The following EYS variants were observed in gnomAD, a reference collection of about 807,000 sequenced individuals.
The protein encoded by EYS is EGF-like photoreceptor maintenance factor.
EYS carries 250 observed loss-of-function variants against 282.1 expected under a neutral mutation model. The observed-to-expected ratio is 0.89, with a 90% confidence interval of 0.80 to 0.98. The LOEUF (loss-of-function observed/expected upper bound fraction) is 0.98. Ranked by LOEUF, EYS falls within the 50% of genes least tolerant of loss-of-function variation. The probability of loss-of-function intolerance (pLI) is 0.00; values close to 1 mark genes in which losing one functional copy is unlikely to be tolerated. For missense variants in EYS, 4,016 were observed against 3,709.0 expected, an observed-to-expected ratio of 1.08 and a Z score of -2.15; for synonymous variants, 1,355 against 1,282.9, an observed-to-expected ratio of 1.06 and a Z score of -1.20.
At chr6:64,629,607 C>T (rs1029451399) in intron 22 of EYS, among the ~76,000 whole-genome samples, 2 of 151,832 alleles carry the variant, frequency 1.3e-5, no homozygotes, top group Non-Finnish European at 2.9e-5. Flanking sequence ...AGATTTATAC[C>T]TAAATGCTTC....
At chr6:64,799,250 C>A (rs763870934) in intron 22 of EYS, among the ~76,000 whole-genome samples, 4 of 151,748 alleles carry the variant, frequency 2.6e-5, no homozygotes, top group Non-Finnish European at 5.9e-5. Context: ...TCTCATCTTT[C>A]TTTACTTCCA....
intron 41 of EYS, chr6:63,744,676 TC>T (rs2149644524): frequency 6.3e-6 from 1 of 158,468 alleles, no homozygotes; most frequent in African/African-American, 2.4e-5. Flanking sequence ...CAAGCGATTC[TC>T]CTGCCTCAGC....
At chr6:65,526,103 T>C (rs1767549621) in intron 2 of EYS, among the ~76,000 whole-genome samples, 1 of 152,198 alleles carries the variant, frequency 6.6e-6, no homozygotes. Flanking sequence ...GGGTATCACA[T>C]GGTGAGAGAG....
At chr6:64,057,405 T>A (rs1771023174) in intron 33 of EYS, among the ~76,000 whole-genome samples, 1 of 147,876 alleles carries the variant, frequency 6.8e-6, no homozygotes, top group Admixed American at 6.7e-5. Flanking sequence ...AAAAATAGAA[T>A]GGTCTCAAAT....
intron 31 of EYS, among the ~76,000 whole-genome samples, chr6:64,084,547 T>A (rs1772081807): frequency 6.6e-6 from 1 of 152,278 alleles, no homozygotes; most frequent in East Asian, 1.9e-4. Context: ...GACATAGTTT[T>A]ACAACTAGGA....
intron 26 of EYS, among the ~76,000 whole-genome samples, chr6:64,474,246 A>C (rs1776201568): frequency 6.6e-6 from 1 of 152,174 alleles, no homozygotes. Flanking sequence ...ACTTCTATAT[A>C]TAAATTTATA....
chr6:65,666,889 TAAAAATAAATA>T (rs1768219205), intron 1 of EYS, among the ~76,000 whole-genome samples: 2 of 146,964 alleles, frequency 1.4e-5, no homozygotes, highest in Non-Finnish European at 3.0e-5. Flanking sequence ...TAATAAAAAT[TAAAAATAAATA>T]AAAAATACAT....
chr6:65,506,206 C>T (rs1766647487), intron 2 of EYS, among the ~76,000 whole-genome samples: 3 of 152,050 alleles, frequency 2.0e-5, no homozygotes, highest in South Asian at 4.1e-4. Context: ...TTTTAACCTA[C>T]CTGAGTCTTT....
rs144961395 is a variant in EYS, at chr6:64,028,766, A to G, written c.6726-29583T>C. ...TGGTCCTTCAATATGTGGATGATTT[A>G]CTTCTGGCTACCAGTTCAGAAGCCT... On this transcript the variant is annotated intron_variant, in intron 33 of 42. Transcript: ENST00000503581. Among the ~76,000 whole-genome samples the G allele has an allele frequency of 1.6e-3, 247 of 152,258 alleles. 2 individuals carry two copies. In the East Asian group the frequency reaches 0.036, roughly 22 times the overall value.
rs545393492 is a variant in EYS, at chr6:64,659,563, G to A, written c.3444-33318C>T. Among the ~76,000 whole-genome samples, 570 of 151,970 alleles carry A rather than the reference G, an allele frequency of 3.8e-3. 4 individuals carry two copies. Among genetic ancestry groups the A allele is most frequent in the African/African-American group, 0.013 (518 of 41,414 alleles). ...AAATGATAAAGGGGATACCACCACCGATCCCACAGAAATACAAACTACCAT... is the reference window on the plus strand; with the variant it reads ...AAATGATAAAGGGGATACCACCACCAATCCCACAGAAATACAAACTACCAT... On this transcript the variant is annotated intron_variant, in intron 22 of 42. Coordinates refer to ENST00000503581, the MANE Select transcript of EYS (RefSeq NM_001142800.2).
At chr6:64,932,256 G>C (rs1032596359) in intron 15 of EYS, among the ~76,000 whole-genome samples, 4 of 151,936 alleles carry the variant, frequency 2.6e-5, no homozygotes, top group Non-Finnish European at 4.4e-5. Context: ...GATAGTACAG[G>C]TATGCATTTG....
chr6:64,628,217 C>T (rs1767671350), intron 22 of EYS, among the ~76,000 whole-genome samples: 1 of 148,544 alleles, frequency 6.7e-6, no homozygotes, highest in Non-Finnish European at 1.5e-5. Context: ...ACCTCCCCAT[C>T]TTTGTAGCAA....
At chr6:64,341,144 GT>G (rs1402002655) in intron 29 of EYS, among the ~76,000 whole-genome samples, 1 of 151,678 alleles carries the variant, frequency 6.6e-6, no homozygotes, top group Admixed American at 6.6e-5. Context: ...CCCCAAAGAA[GT>G]TTGGAGATTT....
chr6:64,428,116 T>C (rs1774465585), intron 28 of EYS, among the ~76,000 whole-genome samples: 2 of 152,222 alleles, frequency 1.3e-5, no homozygotes, highest in Admixed American at 6.5e-5. Flanking sequence ...GAATTAAAAT[T>C]TATCACTCAA....
At chr6:64,625,075 T>C (rs867501939) in intron 23 of EYS, among the ~76,000 whole-genome samples, 7 of 152,116 alleles carry the variant, frequency 4.6e-5, no homozygotes, top group African/African-American at 1.7e-4. Flanking sequence ...CCCCTACATA[T>C]ATTCCTGAGA....
chr6:64,930,522 G>A (rs915421398), intron 15 of EYS, among the ~76,000 whole-genome samples: 6 of 144,184 alleles, frequency 4.2e-5, no homozygotes, highest in Non-Finnish European at 7.5e-5. Flanking sequence ...AACTTTCATA[G>A]TTTTTATTTG....
chr6:64,526,552 T>A (rs1025348057), intron 26 of EYS, among the ~76,000 whole-genome samples: 1 of 151,890 alleles, frequency 6.6e-6, no homozygotes, highest in African/African-American at 2.4e-5. Flanking sequence ...GGTTGTACCA[T>A]CTCTGTTACA....
chr6:64,377,073 C>G (rs1047463098), intron 29 of EYS, among the ~76,000 whole-genome samples: 2 of 148,948 alleles, frequency 1.3e-5, no homozygotes, highest in Non-Finnish European at 2.9e-5. Context: ...TGGATACTCT[C>G]TAGCTGGATG....
At chr6:65,155,333 G>C (rs78414693) in intron 12 of EYS, among the ~76,000 whole-genome samples, 2 of 151,470 alleles carry the variant, frequency 1.3e-5, no homozygotes, top group Admixed American at 6.6e-5. Flanking sequence ...AAGGGCTGTC[G>C]TGCCCACACC....
Sources: gnomAD v4.1 joint callset for allele counts (sites outside exome capture counted in the v4.1 genomes callset) on GRCh38, gnomAD v4.1.1 for gene constraint, MANE v1.5 for transcripts, NCBI Gene and HGNC (gene_info 2026-07-23, HGNC 2026-07-21) for gene names.